Variants in ZFAT observed in about 807,000 individuals in gnomAD.
The protein encoded by ZFAT is zinc finger protein ZFAT.
A neutral mutation model predicts 117.7 loss-of-function variants in ZFAT; 64 were observed. The ratio of observed to expected loss-of-function variants is 0.54; its 90% CI spans 0.44 to 0.67. The LOEUF is 0.67. ZFAT is among the 30% of genes least tolerant of loss of function. The pLI, the probability that ZFAT is intolerant of heterozygous loss-of-function variation, is 0.00. For missense variants in ZFAT, 1,433 were observed against 1,584.5 expected, an observed-to-expected ratio of 0.90 and a Z score of 1.62; for synonymous variants, 679 against 615.0, an observed-to-expected ratio of 1.10 and a Z score of -1.54.
At chr8:134,739,433 T>C in the ZFAT span, among the ~76,000 whole-genome samples, 1 of 152,176 alleles carries the variant, frequency 6.6e-6, no homozygotes, top group Non-Finnish European at 1.5e-5. Context: ...AATTAGGAGA[T>C]CTGATTCTGC....
At position 134,646,125 on chromosome 8, in the gene ZFAT, C is replaced by T. The variant is rs942126961; in HGVS notation, c.197-8413G>A. On this transcript the variant is annotated intron_variant, in intron 2 of 15. Coordinates refer to ENST00000377838, the MANE Select transcript of ZFAT (RefSeq NM_020863.4). ...TCAGGAGGCTGAGGCAGGAGAATCGCTTGAAACTGGAAGGCGGAGGTTGCA... is the reference window on the plus strand; with the variant it reads ...TCAGGAGGCTGAGGCAGGAGAATCGTTTGAAACTGGAAGGCGGAGGTTGCA... Among the ~76,000 whole-genome samples the T allele has an allele frequency of 4.6e-5, 7 of 152,228 alleles. No homozygotes were observed. The East Asian group carries it at 1.4e-3, about 29-fold the overall frequency.
Position 134,486,501 on chromosome 8 carries a change from C to T in ZFAT, c.3493-7780G>A, listed in dbSNP as rs149597067. 2.1e-3 allele frequency among the ~76,000 whole-genome samples: 318 copies of T among 152,258 alleles called. 1 individual carries two copies. Among genetic ancestry groups the T allele is most frequent in the African/African-American group, 7.2e-3 (299 of 41,556 alleles). ...ATTTATTAAACCATGTCTTGGAGAA[C>T]AGCCCTCTCGTAGATGTCATTAATG... On this transcript the variant is annotated intron_variant, in intron 15 of 15. Transcript: ENST00000377838.
At chr8:134,561,263 C>G (rs747966218) in intron 11 of ZFAT, among the ~76,000 whole-genome samples, 1 of 152,150 alleles carries the variant, frequency 6.6e-6, no homozygotes, top group Non-Finnish European at 1.5e-5. Context: ...ATGGAAAACA[C>G]CTACAAAATG....
the ZFAT span, among the ~76,000 whole-genome samples, chr8:134,821,549 TAAA>T: frequency 7.1e-6 from 1 of 141,074 alleles, no homozygotes. Context: ...GCATGCGGTT[TAAA>T]AAAAAAAAAA....
intron 15 of ZFAT, among the ~76,000 whole-genome samples, chr8:134,497,210 G>C (rs1457416881): frequency 2.6e-5 from 4 of 152,252 alleles, no homozygotes; most frequent in African/African-American, 9.6e-5. Flanking sequence ...GACGTTCTGA[G>C]TTATTGGAGG....
chr8:134,514,325 G>A (rs1586621621), intron 13 of ZFAT, among the ~76,000 whole-genome samples: 1 of 152,340 alleles, frequency 6.6e-6, no homozygotes, highest in Non-Finnish European at 1.5e-5. Flanking sequence ...TGACAAGATA[G>A]ATTGAGTTTT....
chr8:134,658,109 G>A (rs1045804774), intron 1 of ZFAT, among the ~76,000 whole-genome samples: 15 of 152,298 alleles, frequency 9.8e-5, no homozygotes, highest in Middle Eastern at 3.4e-3. Flanking sequence ...AGGCCGAGGC[G>A]GGCGGAGCAC....
At chr8:134,498,793 G>T in intron 15 of ZFAT, among the ~76,000 whole-genome samples, 1 of 44,398 alleles carries the variant, frequency 2.3e-5, no homozygotes, top group African/African-American at 9.6e-5. Context: ...TGGTAGGGTC[G>T]GGGTGGAGCT....
the ZFAT span, among the ~76,000 whole-genome samples, chr8:134,777,159 G>A: frequency 1.3e-5 from 2 of 152,140 alleles, no homozygotes; most frequent in Admixed American, 1.3e-4. Context: ...AGAAGATTTT[G>A]CAAATTTTTT....
intron 15 of ZFAT, among the ~76,000 whole-genome samples, chr8:134,488,521 C>T (rs1255815004): frequency 1.3e-5 from 2 of 152,196 alleles, no homozygotes; most frequent in African/African-American, 4.8e-5. Context: ...TGAAAGCCAC[C>T]CACTCTCTGC....
chr8:134,807,793 C>T, the ZFAT span, among the ~76,000 whole-genome samples: 2 of 150,786 alleles, frequency 1.3e-5, no homozygotes, highest in African/African-American at 4.9e-5. Flanking sequence ...TAATAATTAC[C>T]ATTCTCTATA....
intron 11 of ZFAT, among the ~76,000 whole-genome samples, chr8:134,546,227 A>T (rs1042242487): frequency 6.6e-6 from 1 of 152,242 alleles, no homozygotes; most frequent in East Asian, 1.9e-4. Flanking sequence ...TAGAGGAAAT[A>T]TTAACTATAA....
intron 15 of ZFAT, among the ~76,000 whole-genome samples, chr8:134,500,595 T>A (rs1213502823): frequency 6.6e-6 from 1 of 152,164 alleles, no homozygotes; most frequent in Non-Finnish European, 1.5e-5. Flanking sequence ...GCTCAGCAAG[T>A]AACAAAAGAG....
chr8:134,633,478 T>G (rs1830019200), intron 3 of ZFAT, among the ~76,000 whole-genome samples: 1 of 152,136 alleles, frequency 6.6e-6, no homozygotes, highest in Admixed American at 6.5e-5. Context: ...GAGAGAAAAT[T>G]TTAAAACAAT....
chr8:134,689,877 A>G (rs1833510869), intron 1 of ZFAT, among the ~76,000 whole-genome samples: 1 of 152,272 alleles, frequency 6.6e-6, no homozygotes, highest in Non-Finnish European at 1.5e-5. Flanking sequence ...GCTGTCCAAC[A>G]GATACACAGC....
chr8:134,691,936 T>A (rs1331591837), intron 1 of ZFAT, among the ~76,000 whole-genome samples: 4 of 152,212 alleles, frequency 2.6e-5, no homozygotes, highest in Admixed American at 2.6e-4. Flanking sequence ...TAATCTGAAC[T>A]AACTGAACCC....
chr8:134,563,156 C>T (rs913667416), intron 11 of ZFAT, among the ~76,000 whole-genome samples: 4 of 152,170 alleles, frequency 2.6e-5, no homozygotes, highest in Non-Finnish European at 4.4e-5. Flanking sequence ...ATATGCATAA[C>T]GCTAAAGACG....
intron 13 of ZFAT, among the ~76,000 whole-genome samples, chr8:134,520,518 A>G (rs1308695075): frequency 6.6e-6 from 1 of 152,114 alleles, no homozygotes; most frequent in East Asian, 1.9e-4. Context: ...CAGGAAACAG[A>G]GCCTTTTCCA....
chr8:134,529,834 G>A (rs1479305035), intron 12 of ZFAT, among the ~76,000 whole-genome samples: 2 of 152,130 alleles, frequency 1.3e-5, no homozygotes, highest in Non-Finnish European at 1.5e-5. Context: ...CCTCCTACTT[G>A]GGAAGAGCCT....
Sources: gnomAD v4.1 joint callset for allele counts (sites outside exome capture counted in the v4.1 genomes callset) on GRCh38, gnomAD v4.1.1 for gene constraint, MANE v1.5 for transcripts, NCBI Gene and HGNC (gene_info 2026-07-23, HGNC 2026-07-21) for gene names.